PCDHA11: variants seen among roughly 807,000 people sequenced by gnomAD.
PCDHA11 encodes the protein protocadherin alpha-11.
In PCDHA11, 61 loss-of-function variants were observed where a neutral mutation model predicts 70.3. The ratio of observed to expected loss-of-function variants is 0.87; its 90% CI spans 0.71 to 1.07. The LOEUF (loss-of-function observed/expected upper bound fraction) is 1.07. PCDHA11 is among the 50% of genes least tolerant of loss of function. The probability of loss-of-function intolerance (pLI) is 0.00; values close to 1 mark genes in which losing one functional copy is unlikely to be tolerated. For missense variants in PCDHA11, 1,324 were observed against 1,237.5 expected (o/e 1.07, Z -1.05); for synonymous variants, 633 against 555.1 (o/e 1.14, Z -1.97).
At chr5:140,887,431 A>C (rs2061444829) in intron 1 of PCDHA11, among the ~76,000 whole-genome samples, 1 of 152,112 alleles carries the variant, frequency 6.6e-6, no homozygotes, top group African/African-American at 2.4e-5. Context: ...AAGTATTTTC[A>C]CTGGGCATAG....
intron 1 of PCDHA11, among the ~76,000 whole-genome samples, chr5:140,914,261 T>G (rs1294037425): frequency 6.6e-6 from 1 of 152,202 alleles, no homozygotes; most frequent in Non-Finnish European, 1.5e-5. Context: ...GCTTCAATGG[T>G]GGGTGCATAT....
At chr5:140,894,904 A>G (rs1422978967) in intron 1 of PCDHA11, among the ~76,000 whole-genome samples, 1 of 152,168 alleles carries the variant, frequency 6.6e-6, no homozygotes, top group Non-Finnish European at 1.5e-5. Context: ...TAATTTTCCT[A>G]TCTTTGTTGC....
chr5:140,992,465 C>G (rs1554252929), intron 3 of PCDHA11, among the ~76,000 whole-genome samples: 2 of 152,162 alleles, frequency 1.3e-5, no homozygotes. Flanking sequence ...GGACAGTACT[C>G]TTTAGATCAC....
chr5:140,907,408 C>T (rs2073363118), intron 1 of PCDHA11, among the ~76,000 whole-genome samples: 1 of 152,118 alleles, frequency 6.6e-6, no homozygotes. Flanking sequence ...TGTGGAATAC[C>T]ACGATGGTGG....
At chr5:140,946,631 T>TATACAC (rs57893927) in intron 1 of PCDHA11, among the ~76,000 whole-genome samples, 2 of 131,842 alleles carry the variant, frequency 1.5e-5, no homozygotes, top group Non-Finnish European at 3.1e-5. Flanking sequence ...TATATATATA[T>TATACAC]ACAATGGAAT....
intron 1 of PCDHA11, among the ~76,000 whole-genome samples, chr5:140,915,901 G>A (rs1339531688): frequency 1.3e-5 from 2 of 152,250 alleles, no homozygotes; most frequent in East Asian, 1.9e-4. Flanking sequence ...CCTGGCCCTG[G>A]GCAGGCCCAG....
chr5:140,965,012 C>T (rs1405445486), intron 1 of PCDHA11, among the ~76,000 whole-genome samples: 2 of 152,188 alleles, frequency 1.3e-5, no homozygotes, highest in African/African-American at 4.8e-5. Flanking sequence ...GTCAGGATCA[C>T]AACCTTGGCT....
chr5:140,961,222 T>C (rs1335870319), intron 1 of PCDHA11, among the ~76,000 whole-genome samples: 1 of 152,118 alleles, frequency 6.6e-6, no homozygotes, highest in East Asian at 1.9e-4. Flanking sequence ...AGAAACTGGG[T>C]CCCAAAAAGG....
chr5:140,889,086 A>G (rs1418981044), intron 1 of PCDHA11, among the ~76,000 whole-genome samples: 1 of 151,926 alleles, frequency 6.6e-6, no homozygotes, highest in Non-Finnish European at 1.5e-5. Flanking sequence ...TTAAATTTTC[A>G]AAACAATTTT....
chr5:140,899,191 C>G (rs1583332627), intron 1 of PCDHA11, among the ~76,000 whole-genome samples: 2 of 151,090 alleles, frequency 1.3e-5, no homozygotes, highest in Non-Finnish European at 3.0e-5. Flanking sequence ...TTTCCTTCTC[C>G]TGCCTAATTG....
intron 1 of PCDHA11, among the ~76,000 whole-genome samples, chr5:140,885,118 C>CT (rs782576516): frequency 6.6e-6 from 1 of 152,022 alleles, no homozygotes; most frequent in Non-Finnish European, 1.5e-5. Context: ...TTTAAGTGCA[C>CT]TTTTCTTTCT....
chr5:140,873,776 T>C (rs1001856431), intron 1 of PCDHA11, among the ~76,000 whole-genome samples: 13 of 152,208 alleles, frequency 8.5e-5, no homozygotes, highest in Non-Finnish European at 1.9e-4. Context: ...TTCTCCTGCC[T>C]CAGCTTTCCG....
intron 1 of PCDHA11, chr5:140,884,546 T>C (rs1554181711): frequency 6.2e-7 from 1 of 1,614,082 alleles, no homozygotes; most frequent in Non-Finnish European, 8.5e-7. Flanking sequence ...GAGGGTGTGC[T>C]CTGGGGAGGG....
chr5:140,882,608 C>T (rs748674238), intron 1 of PCDHA11: 20 of 1,614,132 alleles, frequency 1.2e-5, no homozygotes, highest in Non-Finnish European at 1.7e-5. Flanking sequence ...GGACAGGCCT[C>T]TGCAGGTTTT....
intron 3 of PCDHA11, among the ~76,000 whole-genome samples, chr5:141,000,387 CTCTCTCTCTATA>C (rs1217065500): frequency 3.9e-4 from 26 of 66,870 alleles, no homozygotes; most frequent in African/African-American, 1.1e-3. Context: ...CTCTCTCTCT[CTCTCTCTCTATA>C]TATATATATA....
rs191774551 is a variant in PCDHA11, at chr5:140,984,794, A to C, written c.2539+2231A>C. Among the ~76,000 whole-genome samples, 4 of 152,294 alleles carry C rather than the reference A, an allele frequency of 2.6e-5. No homozygotes were observed. In the East Asian group the frequency reaches 7.7e-4, roughly 29 times the overall value. ...CTTACTTGCTGGGTGAGCATAGACA[A>C]ACTGCCTGAATTCATATTTTCTTAA... On this transcript the variant is annotated intron_variant, in intron 3 of 3. Transcript: ENST00000398640.
At chr5:140,946,894 T>C (rs1368559322) in intron 1 of PCDHA11, among the ~76,000 whole-genome samples, 1 of 151,402 alleles carries the variant, frequency 6.6e-6, no homozygotes, top group Non-Finnish European at 1.5e-5. Context: ...TACAATTAGA[T>C]AGGAAGAATA....
intron 1 of PCDHA11, among the ~76,000 whole-genome samples, chr5:140,919,522 C>CT (rs1554199133): frequency 6.6e-6 from 1 of 152,000 alleles, no homozygotes; most frequent in African/African-American, 2.4e-5. Context: ...TTTTAATTCT[C>CT]TTTTTTTCCT....
intron 1 of PCDHA11, among the ~76,000 whole-genome samples, chr5:140,965,508 T>C (rs1278735339): frequency 6.6e-6 from 1 of 152,124 alleles, no homozygotes; most frequent in Non-Finnish European, 1.5e-5. Context: ...TTTTTTTTTT[T>C]TTTAACTGCA....
Sources: allele counts gnomAD v4.1 joint callset (sites outside exome capture counted in the v4.1 genomes callset), GRCh38; gene constraint gnomAD v4.1.1; transcripts MANE v1.5; gene names NCBI Gene and HGNC (gene_info 2026-07-23, HGNC 2026-07-21).